The following TRPV5 variants were observed in gnomAD, a reference collection of about 807,000 sequenced individuals.
TRPV5 encodes calcium transport protein 2.
In TRPV5, 66 loss-of-function variants were observed where a neutral mutation model predicts 74.1. The ratio of observed to expected loss-of-function variants is 0.89; its 90% CI spans 0.73 to 1.09. TRPV5 has a LOEUF of 1.09. Ranked by LOEUF, TRPV5 falls within the 50% of genes least tolerant of loss-of-function variation. The pLI is 0.00. For synonymous variants in TRPV5, 399 were observed against 360.7 expected (o/e 1.11, Z -1.20); for missense variants, 936 against 930.4 (o/e 1.01, Z -0.08).
chr7:142,933,481 G>A lies in TRPV5; in HGVS notation c.-22C>T, dbSNP rs771024982. On this transcript the variant is annotated 5_prime_UTR_variant, in exon 1 of 15. Coordinates refer to ENST00000265310, the MANE Select transcript of TRPV5 (RefSeq NM_019841.7). Reference sequence around the variant, plus strand: ...CCATGTCTTCTCCTTGCAGACACTGGCAGATTATAGAAATGTGGCGAAAGA... The same window carrying A: ...CCATGTCTTCTCCTTGCAGACACTGACAGATTATAGAAATGTGGCGAAAGA... 23 of 1,606,960 alleles carry A rather than the reference G, an allele frequency of 1.4e-5. No homozygotes were observed. In the South Asian group the frequency reaches 2.4e-4, roughly 17 times the overall value.
In TRPV5 at chr7:142,928,769, G is replaced by A. The variant is rs753692972; in HGVS notation, c.684C>T (p.His228=). 10 of 1,614,046 alleles carry A rather than the reference G, an allele frequency of 6.2e-6. No homozygotes were observed. Among genetic ancestry groups the A allele is most frequent in the Non-Finnish European group, 6.8e-6 (8 of 1,180,018 alleles). The part of the protein sequence containing the change: ...LLLSYDGHGD[H]LQPLDLVPNH... The stretch of plus-strand genomic sequence containing the variant: ...TGGGCACAAGGTCCAGGGGCTGCAG[G>A]TGGTCCCCATGTCCATCATAGGACA... Residue 228 remains histidine, a synonymous_variant, in exon 6 of 15, where the codon CAC becomes CAT. Coordinates refer to ENST00000265310, the MANE Select transcript of TRPV5 (RefSeq NM_019841.7).
At chr7:142,924,378 A>G (rs1195982725) in intron 8 of TRPV5, among the ~76,000 whole-genome samples, 1,002 of 6,814 alleles carry the variant, frequency 0.15, 168 homozygotes, top group African/African-American at 0.18. Flanking sequence ...ATATATACAT[A>G]TATATATATA....
chr7:142,914,605 CT>C (rs1218436995), intron 12 of TRPV5, 34 bp downstream of exon 12: 7 of 1,573,722 alleles, frequency 4.4e-6, no homozygotes, highest in Middle Eastern at 1.7e-4. Flanking sequence ...AGAACTAGAT[CT>C]GCTGATCTAG....
chr7:142,909,588 G>A lies in TRPV5; in HGVS notation c.1797C>T (p.Ala599=), dbSNP rs764498026. ...GCTTCCGCTCCAGCATCACTGTGGT[G>A]GCCACGACCTGGAAGGAGGCAGGAG... The part of the protein sequence containing the change: ...RDELWRAQVV[A]TTVMLERKLP... The change falls in exon 14 of 15, where the codon GCC becomes GCT. Residue 599 remains alanine, a synonymous_variant. Transcript: ENST00000265310. 3 of 1,613,876 alleles carry A rather than the reference G, an allele frequency of 1.9e-6. No homozygotes were observed. Among genetic ancestry groups the A allele is most frequent in the Non-Finnish European group, 2.5e-6 (3 of 1,180,002 alleles).
intron 1 of TRPV5, 101 bp downstream of exon 1, chr7:142,933,231 C>A: frequency 6.9e-7 from 1 of 1,453,178 alleles, no homozygotes; most frequent in Non-Finnish European, 9.3e-7. Flanking sequence ...CTGGCACTGA[C>A]AATACACTTC....
intron 8 of TRPV5, among the ~76,000 whole-genome samples, chr7:142,921,245 A>G (rs1409491547): frequency 4.6e-5 from 7 of 152,234 alleles, no homozygotes; most frequent in African/African-American, 4.8e-5. Context: ...CCTTCCCTCT[A>G]TCTCCCCACT....
intron 13 of TRPV5, among the ~76,000 whole-genome samples, chr7:142,910,003 TTAAA>T (rs1163047922): frequency 1.3e-5 from 2 of 152,176 alleles, no homozygotes; most frequent in Non-Finnish European, 2.9e-5. Context: ...TTTCAGCAAA[TTAAA>T]TATCCACATC....
intron 8 of TRPV5, chr7:142,925,214 T>G: frequency 3.6e-6 from 2 of 555,836 alleles, no homozygotes. Context: ...AGAGTTTACC[T>G]TGAACATCCC....
chr7:142,914,410 T>C (rs1795756107), intron 12 of TRPV5, among the ~76,000 whole-genome samples: 2 of 152,190 alleles, frequency 1.3e-5, no homozygotes, highest in African/African-American at 4.8e-5. Flanking sequence ...ATAAATCTTA[T>C]TGGCCCTGAA....
At chr7:142,910,753 A>G (rs1795690631) in intron 13 of TRPV5, among the ~76,000 whole-genome samples, 1 of 152,164 alleles carries the variant, frequency 6.6e-6, no homozygotes, top group South Asian at 2.1e-4. Flanking sequence ...CTTGAAAGAA[A>G]TGTTTATTGT....
At position 142,933,515 on chromosome 7, in the gene TRPV5, T is replaced by C. The variant is rs374101882; in HGVS notation, c.-56A>G. 304 of 1,580,130 alleles carry C rather than the reference T, an allele frequency of 1.9e-4. 2 individuals carry two copies. Among genetic ancestry groups the C allele is most frequent in the South Asian group, 1.2e-3 (103 of 84,852 alleles). On this transcript the variant is annotated 5_prime_UTR_variant, in exon 1 of 15. Coordinates refer to ENST00000265310, the MANE Select transcript of TRPV5 (RefSeq NM_019841.7). ...AGAAATGTGGCGAAAGAAACAGGTC[T>C]AGGATGACAGCAACTGAGCAAGAGA...
intron 4 of TRPV5, 125 bp downstream of exon 4, chr7:142,929,303 T>C: frequency 2.0e-6 from 3 of 1,524,076 alleles, no homozygotes; most frequent in Non-Finnish European, 2.6e-6. Flanking sequence ...AATTAAGCCC[T>C]AGAAGGGCTG....
At chr7:142,912,021 T>C (rs1190839828) in intron 13 of TRPV5, among the ~76,000 whole-genome samples, 1 of 152,230 alleles carries the variant, frequency 6.6e-6, no homozygotes, top group Non-Finnish European at 1.5e-5. Flanking sequence ...TTGAATGACA[T>C]TCTGACCAAT....
chr7:142,917,487 C>T (rs1795821759), intron 8 of TRPV5, among the ~76,000 whole-genome samples: 2 of 152,048 alleles, frequency 1.3e-5, no homozygotes, highest in Admixed American at 1.3e-4. Context: ...ATCAGGGTGC[C>T]CCTAGAATCC....
chr7:142,914,048 C>T (rs994745273), intron 12 of TRPV5, among the ~76,000 whole-genome samples: 2 of 152,124 alleles, frequency 1.3e-5, no homozygotes, highest in African/African-American at 4.8e-5. Flanking sequence ...TGACTGGGTG[C>T]CTGTGTGTTC....
rs1471438297 is a variant in TRPV5 at position 142,927,608 on chromosome 7, A to G, written c.909+480T>C. On this transcript the variant is annotated intron_variant, in intron 7 of 14. Coordinates refer to ENST00000265310, the MANE Select transcript of TRPV5 (RefSeq NM_019841.7). The stretch of plus-strand genomic sequence containing the variant: ...GCAGGAGGAAGAGAGAGCAGGAGGA[A>G]GAGAGAGCAGGGGGAGGTGCCACAC... 2.0e-5 allele frequency among the ~76,000 whole-genome samples: 3 copies of G among 148,096 alleles called. No individual in the cohort carries two copies. The East Asian group carries it at 5.8e-4, about 29-fold the overall frequency.
At position 142,928,830 on chromosome 7, in the gene TRPV5, T is replaced by G. The variant is rs777544617; in HGVS notation, c.623A>C (p.Asn208Thr). Reference sequence around the variant, plus strand: ...GTACATCTGGCAGGCAAAGGTTTTGTTGGGCTGGAGGATGAGGATGTGTAA... The same window carrying G: ...GTACATCTGGCAGGCAAAGGTTTTGGTGGGCTGGAGGATGAGGATGTGTAA... Reference protein sequence around the residue: ...TVLHILILQPNKTFACQMYNL... With the variant: ...TVLHILILQPTKTFACQMYNL... Residue 208 changes from asparagine (N) to threonine (T), a missense_variant, in exon 6 of 15, where the codon AAC becomes ACC. Physicochemically the swap from Asn to Thr is moderately conservative, Grantham distance 65 (BLOSUM62 0). Transcript: ENST00000265310. The G allele has an allele frequency of 6.2e-6, 10 of 1,614,036 alleles. No homozygotes were observed. The South Asian group carries it at 1.1e-4, about 18-fold the overall frequency.
Position 142,915,530 on chromosome 7 carries a change from C to A in TRPV5, c.1161G>T (p.Val387=). The A allele has an allele frequency of 6.2e-7, 1 of 1,614,188 alleles. No individual in the cohort carries two copies. Among genetic ancestry groups the A allele is most frequent in the Non-Finnish European group, 8.5e-7 (1 of 1,180,034 alleles). ...CCCCAACGATGCTCACCAGCTCCCC[C>A]ACCAGCCTGATGATATCTTCACGTG... The part of the protein sequence containing the change: ...YETREDIIRL[V]GELVSIVGAV... The change falls in exon 9 of 15, where the codon GTG becomes GTT. Residue 387 remains valine, a synonymous_variant. Coordinates refer to ENST00000265310, the MANE Select transcript of TRPV5 (RefSeq NM_019841.7).
intron 13 of TRPV5, among the ~76,000 whole-genome samples, chr7:142,910,584 A>G (rs1795688196): frequency 6.6e-6 from 1 of 152,200 alleles, no homozygotes; most frequent in African/African-American, 2.4e-5. Flanking sequence ...GAAGGAGTGC[A>G]ATCTTCAAAA....
Sources: gnomAD v4.1 joint callset for allele counts (sites outside exome capture counted in the v4.1 genomes callset) on GRCh38, gnomAD v4.1.1 for gene constraint, MANE v1.5 for transcripts, NCBI Gene and HGNC (gene_info 2026-07-23, HGNC 2026-07-21) for gene names.